CRAMP1: variants seen among roughly 807,000 people sequenced by gnomAD.
CRAMP1 encodes cramped chromatin regulator 1.
In CRAMP1, 50 loss-of-function variants were observed where a neutral mutation model predicts 115.4. The observed-to-expected ratio is 0.43, with a 90% CI of 0.35 to 0.55. The LOEUF (loss-of-function observed/expected upper bound fraction) is 0.55, where lower values mean the gene tolerates loss of function less well. CRAMP1 is among the 20% of genes least tolerant of loss of function. CRAMP1 has a pLI of 0.01. For missense variants in CRAMP1, 1,679 were observed against 1,721.7 expected, an observed-to-expected ratio of 0.98 and a Z score of 0.44; for synonymous variants, 866 against 745.4, an observed-to-expected ratio of 1.16 and a Z score of -2.64.
Position 1,655,172 on chromosome 16 carries a change from C to T in CRAMP1, c.1038-47C>T, listed in dbSNP as rs1378832405. 8 of 1,516,524 alleles carry T rather than the reference C, an allele frequency of 5.3e-6. No individual in the cohort carries two copies. The African/African-American group carries it at 9.6e-5, about 18-fold the overall frequency. 93.9% of individuals were successfully genotyped at this position (1,516,524 alleles called of 1,614,324 possible). On this transcript the variant is annotated intron_variant, in intron 8 of 20. Transcript: ENST00000397412. The stretch of plus-strand genomic sequence containing the variant: ...GCCTCGGGACTCTTCAGATGGTTTC[C>T]TTCCTGTTCTGCGAACCTCACTTCC...
intron 4 of CRAMP1, among the ~76,000 whole-genome samples, chr16:1,633,222 G>A (rs570987427): frequency 2.6e-5 from 4 of 152,342 alleles, no homozygotes; most frequent in South Asian, 2.1e-4. Flanking sequence ...CCTCTGGGTG[G>A]GTTATGGCAT....
chr16:1,653,281 C>A, intron 8 of CRAMP1, 125 bp downstream of exon 8: 1 of 1,164,744 alleles, frequency 8.6e-7, no homozygotes, highest in Non-Finnish European at 1.2e-6. Flanking sequence ...TGTCATCACA[C>A]GAGGACGCAG....
chr16:1,655,749 G>A (rs2036765618), intron 9 of CRAMP1, 128 bp from the exon 10 acceptor site: 6 of 1,054,636 alleles, frequency 5.7e-6, no homozygotes, highest in Non-Finnish European at 8.2e-6. Flanking sequence ...GGAAAGCCAC[G>A]GGTGGTGGCA....
At chr16:1,649,927 G>A (rs1249137527) in intron 6 of CRAMP1, among the ~76,000 whole-genome samples, 2 of 151,696 alleles carry the variant, frequency 1.3e-5, no homozygotes, top group African/African-American at 4.8e-5. Flanking sequence ...CCGAGTAGCT[G>A]GGAGTACAGG....
intron 6 of CRAMP1, among the ~76,000 whole-genome samples, chr16:1,647,276 C>T (rs1465203070): frequency 3.9e-5 from 6 of 152,178 alleles, no homozygotes; most frequent in Admixed American, 2.6e-4. Context: ...CTACGTGGTT[C>T]GCAGACCCAG....
chr16:1,618,012 A>G (rs1015869098), intron 2 of CRAMP1, among the ~76,000 whole-genome samples: 1 of 152,202 alleles, frequency 6.6e-6, no homozygotes, highest in Admixed American at 6.5e-5. Flanking sequence ...TGCAGCTCTA[A>G]TACACCACCC....
intron 11 of CRAMP1, among the ~76,000 whole-genome samples, chr16:1,661,733 T>C (rs1027346317): frequency 1.3e-5 from 2 of 151,878 alleles, no homozygotes; most frequent in Admixed American, 1.3e-4. Context: ...GTAGTTGGGA[T>C]TACAGGCATG....
At position 1,666,536 on chromosome 16, in the gene CRAMP1, G is replaced by T. The variant is rs2036877906; in HGVS notation, c.2972G>T (p.Gly991Val). 6.2e-7 allele frequency: 1 copy of T among 1,613,904 alleles called. No individual in the cohort carries two copies. Among genetic ancestry groups the T allele is most frequent in the Non-Finnish European group, 8.5e-7 (1 of 1,179,796 alleles). The change falls in exon 16 of 21, where the codon GGT becomes GTT. Residue 991 changes from glycine to valine, a missense_variant. Physicochemically the swap from Gly to Val is moderately radical, Grantham distance 109. Coordinates refer to ENST00000397412, the MANE Select transcript of CRAMP1 (RefSeq NM_020825.4). The surrounding 1 kb of genome is among the most constrained non-coding windows in gnomAD (Gnocchi z 5.0). ...ISPLSSDEVTGAISGQDSTGT... is the reference protein window; with the variant it reads ...ISPLSSDEVTVAISGQDSTGT... ...CCACTGTCTTCAGACGAGGTGACGG[G>T]TGCCATCTCGGGGCAGGACTCTACT...
At chr16:1,661,403 C>A (rs1213409346) in intron 11 of CRAMP1, among the ~76,000 whole-genome samples, 2 of 44,904 alleles carry the variant, frequency 4.5e-5, no homozygotes, top group African/African-American at 2.0e-4. Context: ...GGTGAGGGGT[C>A]CTGGCCTCCT....
intron 6 of CRAMP1, among the ~76,000 whole-genome samples, chr16:1,648,121 A>G (rs76440221): frequency 5.5e-5 from 8 of 145,258 alleles, no homozygotes; most frequent in African/African-American, 1.5e-4. Flanking sequence ...TGATTGAAGG[A>G]AAAAAAAAAA....
chr16:1,651,910 G>A (rs1458618347), intron 6 of CRAMP1, among the ~76,000 whole-genome samples: 4 of 149,556 alleles, frequency 2.7e-5, no homozygotes, highest in Non-Finnish European at 4.4e-5. Context: ...TGGAGGTCAC[G>A]GGGAGGTGAA....
intron 20 of CRAMP1, among the ~76,000 whole-genome samples, chr16:1,673,064 C>G (rs9922630): frequency 0.09 from 13,664 of 151,650 alleles, 675 homozygotes; most frequent in African/African-American, 0.13. Context: ...CTGACGGGAT[C>G]GTGCCCTCCA....
chr16:1,620,100 A>T (rs1261887327), intron 2 of CRAMP1, among the ~76,000 whole-genome samples: 1 of 152,136 alleles, frequency 6.6e-6, no homozygotes, highest in Middle Eastern at 3.4e-3. Flanking sequence ...GGGTCCCCCC[A>T]TGTGACCTTG....
chr16:1,656,508 C>T lies in CRAMP1; in HGVS notation c.1751C>T (p.Pro584Leu). 6.4e-7 allele frequency: 1 copy of T among 1,567,084 alleles called. No individual in the cohort carries two copies. The highest frequency in any genetic ancestry group is 1.4e-5 in the African/African-American group (1 of 73,750). Residue 584 changes from proline (P) to leucine (L), a missense_variant, in exon 10 of 21, where the codon CCT becomes CTT. This residue lies in a region of CRAMP1 where 405 missense variants were observed against 302.6 expected (regional missense o/e 1.34). Transcript: ENST00000397412. This position sits in a 1 kb window ranked among gnomAD's most constrained non-coding sequence, Gnocchi z 5.6. ...CAGTGCCGCTGTGCGGACACACGGC[C>T]TGGGAGCGAGCAGCCCCCTCTGGGC... is the stretch of plus-strand genomic sequence containing the variant. ...PEQCRCADTR[P>L]GSEQPPLGGA...
chr16:1,634,493 G>T (rs760887751), intron 4 of CRAMP1, among the ~76,000 whole-genome samples: 1 of 152,036 alleles, frequency 6.6e-6, no homozygotes, highest in African/African-American at 2.4e-5. Flanking sequence ...CACACCTCTC[G>T]GTGGGGGGTC....
intron 5 of CRAMP1, among the ~76,000 whole-genome samples, chr16:1,640,473 G>T (rs1185555637): frequency 3.3e-5 from 5 of 152,234 alleles, no homozygotes; most frequent in African/African-American, 1.2e-4. Flanking sequence ...CGTTTGTGGA[G>T]TTTTTTTCCC....
At position 1,614,750 on chromosome 16, in the gene CRAMP1, C is replaced by T. The variant is rs1263770599; in HGVS notation, c.111C>T (p.Asp37=). The T allele has an allele frequency of 1.5e-6, 2 of 1,367,206 alleles. No individual in the cohort carries two copies. Among genetic ancestry groups the T allele is most frequent in the East Asian group, 3.1e-5 (1 of 31,894 alleles). The allele number at this position is 1,367,206 out of a possible 1,614,324, so 84.7% of individuals were successfully genotyped here. A position where few individuals can be genotyped will look rare whatever the true frequency, so the allele number is the denominator to read the frequency against. Residue 37 remains aspartate (D), a synonymous_variant, in exon 2 of 21, where the codon GAC becomes GAT. Coordinates refer to ENST00000397412, the MANE Select transcript of CRAMP1 (RefSeq NM_020825.4). The surrounding 1 kb of genome is among the most constrained non-coding windows in gnomAD (Gnocchi z 4.4). The part of the protein sequence containing the change: ...SLEGEGAGGA[D]AAEESSGTKR... ...AAGGAGAAGGGGCCGGCGGCGCAGA[C>T]GCGGCCGAGGAGAGCAGCGGCACAA...
chr16:1,638,566 A>G (rs1248305815), intron 5 of CRAMP1, among the ~76,000 whole-genome samples: 3 of 152,170 alleles, frequency 2.0e-5, no homozygotes, highest in East Asian at 3.9e-4. Context: ...AGGTAGGGAC[A>G]TTGTAGACTT....
chr16:1,617,810 A>G (rs1209866440), intron 2 of CRAMP1, among the ~76,000 whole-genome samples: 1 of 152,188 alleles, frequency 6.6e-6, no homozygotes, highest in Non-Finnish European at 1.5e-5. Flanking sequence ...TTTCTAGTTC[A>G]GTTTCAAATT....
Sources: allele counts gnomAD v4.1 joint callset (sites outside exome capture counted in the v4.1 genomes callset), GRCh38; gene constraint gnomAD v4.1.1; regional missense constraint gnomAD v4.1.1; non-coding constraint Gnocchi (gnomAD v3.1); transcripts MANE v1.5; gene names NCBI Gene and HGNC (gene_info 2026-07-23, HGNC 2026-07-21).